The following RNF213 variants were observed in gnomAD, a reference collection of about 807,000 sequenced individuals.
The protein encoded by RNF213 is ring finger protein 213.
In RNF213, 341 loss-of-function variants were observed where a neutral mutation model predicts 514.4. That is an observed-to-expected ratio of 0.66 (90% CI 0.61 to 0.73). The LOEUF is 0.73. RNF213 is among the 30% of genes least tolerant of loss of function. The probability of loss-of-function intolerance (pLI) is 0.00; values close to 1 mark genes in which losing one functional copy is unlikely to be tolerated. For synonymous variants in RNF213, 2,655 were observed against 2,658.2 expected, an observed-to-expected ratio of 1.00 and a Z score of 0.04; for missense variants, 5,767 against 6,615.6, an observed-to-expected ratio of 0.87 and a Z score of 4.45.
rs898719348 is a variant in RNF213, at chr17:80,268,354, GAAAAAAAAAA to G, written c.97+4592_97+4601del. The stretch of plus-strand genomic sequence containing the variant: ...GGGTCGACAGTGAGACCCTGTCTCA[GAAAAAAAAAA>G]AAAAAAAAAAAAAAAGGCAGTACTG... On this transcript the variant is annotated intron_variant, in intron 2 of 67. Coordinates refer to ENST00000582970, the MANE Select transcript of RNF213 (RefSeq NM_001256071.3). Among the ~76,000 whole-genome samples, 228 of 73,188 alleles carry G rather than the reference GAAAAAAAAAA, an allele frequency of 3.1e-3. 1 individual carries two copies. Among genetic ancestry groups the G allele is most frequent in the Middle Eastern group, 6.9e-3 (1 of 144 alleles). 48.0% of individuals were successfully genotyped at this position (73,188 alleles called of 152,430 possible). A position where few individuals can be genotyped will look rare whatever the true frequency, so the allele number is the denominator to read the frequency against.
At chr17:80,361,695 A>G in intron 38 of RNF213, 39 bp from the exon 39 acceptor site, 1 of 1,609,058 alleles carries the variant, frequency 6.2e-7, no homozygotes. Context: ...GCCATGACTT[A>G]GACGCACTCC....
At chr17:80,268,062 C>G (rs968364092) in intron 2 of RNF213, among the ~76,000 whole-genome samples, 1 of 152,056 alleles carries the variant, frequency 6.6e-6, no homozygotes, top group African/African-American at 2.4e-5. Flanking sequence ...CTCAAGTGAT[C>G]CCCCTGCCTC....
At chr17:80,297,154 T>C (rs1023083557) in intron 10 of RNF213, among the ~76,000 whole-genome samples, 1 of 151,540 alleles carries the variant, frequency 6.6e-6, no homozygotes, top group African/African-American at 2.4e-5. Context: ...CCCTTACGTT[T>C]AAAAAGTTGT....
chr17:80,355,542 G>A (rs57961685), intron 36 of RNF213, among the ~76,000 whole-genome samples: 647 of 8,680 alleles, frequency 0.075, 20 homozygotes, highest in African/African-American at 0.21. Context: ...AAGCGGGGTG[G>A]ACGGGAATGG....
Position 80,377,233 on chromosome 17 carries a change from G to A in RNF213, c.13510+270G>A, listed in dbSNP as rs1160538675. ...TGTTCTCTGGAATATGCCATTTTGG[G>A]AGAAGGGAGGGACTGGGAACCACAT... On this transcript the variant is annotated intron_variant, in intron 53 of 67. Transcript: ENST00000582970. This position sits in a 1 kb window ranked among gnomAD's most constrained non-coding sequence, Gnocchi z 4.1. 5 of 491,828 alleles carry A rather than the reference G, an allele frequency of 1.0e-5. No homozygotes were observed. Among genetic ancestry groups the A allele is most frequent in the East Asian group, 3.9e-5 (1 of 25,798 alleles). 30.5% of individuals were successfully genotyped at this position (491,828 alleles called of 1,614,324 possible).
intron 67 of RNF213, among the ~76,000 whole-genome samples, chr17:80,392,602 TG>T (rs1431612099): frequency 3.9e-4 from 20 of 51,000 alleles, no homozygotes; most frequent in African/African-American, 1.4e-3. Flanking sequence ...TCAGGATTTC[TG>T]GGTTTTTTTT....
intron 36 of RNF213, chr17:80,355,296 A>T (rs1350724909): frequency 5.0e-6 from 2 of 398,074 alleles, no homozygotes; most frequent in Admixed American, 5.4e-5. Flanking sequence ...GATCTGCAGG[A>T]GGGAACGTGA....
rs572494898 is a variant in RNF213 at position 80,355,610 on chromosome 17, G to A, written c.10862+1034G>A. Among the ~76,000 whole-genome samples, 4 of 63,866 alleles carry A rather than the reference G, an allele frequency of 6.3e-5. No individual in the cohort carries two copies. The East Asian group carries it at 1.6e-3, about 26-fold the overall frequency. 41.9% of individuals were successfully genotyped at this position (63,866 alleles called of 152,430 possible). On this transcript the variant is annotated intron_variant, in intron 36 of 67. Transcript: ENST00000582970. ...AATGGGGGCTTACAGGGGAAGAAGC[G>A]GGGTGAGTGGGAATGGGGGCTTACA...
intron 49 of RNF213, among the ~76,000 whole-genome samples, chr17:80,373,833 C>G (rs1042542999): frequency 2.8e-4 from 43 of 151,726 alleles, no homozygotes; most frequent in African/African-American, 9.0e-4. Flanking sequence ...AACCTTGTCT[C>G]TACTTCAAAG....
At chr17:80,330,127 A>G (rs576642098) in intron 20 of RNF213, among the ~76,000 whole-genome samples, 1 of 152,196 alleles carries the variant, frequency 6.6e-6, no homozygotes, top group East Asian at 1.9e-4. Context: ...AATGTAGAGG[A>G]ATTCTTTTTC....
chr17:80,336,867 C>T, intron 23 of RNF213: 1 of 232,082 alleles, frequency 4.3e-6, no homozygotes, highest in South Asian at 5.0e-5. Flanking sequence ...CACCACTGTA[C>T]TCCAGCCTGA....
intron 20 of RNF213, among the ~76,000 whole-genome samples, chr17:80,329,925 T>C (rs1485279810): frequency 6.6e-6 from 1 of 152,238 alleles, no homozygotes; most frequent in African/African-American, 2.4e-5. Flanking sequence ...GGAAATTCTC[T>C]TGAATGATTT....
intron 36 of RNF213, among the ~76,000 whole-genome samples, chr17:80,357,924 G>A (rs1042400450): frequency 6.6e-6 from 1 of 152,212 alleles, no homozygotes; most frequent in African/African-American, 2.4e-5. Context: ...GGTATTCCAG[G>A]TTATGACGAT....
chr17:80,263,621 G>A lies in RNF213; in HGVS notation c.-61G>A, dbSNP rs2043502177. 1.5e-6 allele frequency: 2 copies of A among 1,352,818 alleles called. No homozygotes were observed. The highest frequency in any genetic ancestry group is 2.3e-5 in the South Asian group (2 of 85,786). 83.8% of individuals were successfully genotyped at this position (1,352,818 alleles called of 1,614,324 possible). The stretch of plus-strand genomic sequence containing the variant: ...CACGTGACAGGACATGTAGTATATA[G>A]CAGGCTGCCAGCGACTCCTGCTCTT... On this transcript the variant is annotated 5_prime_UTR_variant, in exon 2 of 68. The change abolishes the stop of an existing upstream ORF in the 5' untranslated region. Coordinates refer to ENST00000582970, the MANE Select transcript of RNF213 (RefSeq NM_001256071.3). This position sits in a 1 kb window ranked among gnomAD's most constrained non-coding sequence, Gnocchi z 4.9.
At chr17:80,339,081 T>TCATTAAAAAG in intron 25 of RNF213, 120 bp from the exon 26 acceptor site, 1 of 629,344 alleles carries the variant, frequency 1.6e-6, no homozygotes, top group Non-Finnish European at 2.4e-6. Flanking sequence ...TGAGCGCAGA[T>TCATTAAAAAG]CATGCAGTGG....
At position 80,279,553 on chromosome 17, in the gene RNF213, G is replaced by A. The variant is rs9911199; in HGVS notation, c.261+6149G>A. On this transcript the variant is annotated intron_variant, in intron 3 of 67. Transcript: ENST00000582970. ...GATCTCAGTTCACTGCAACCTCCGCGTGCAGGGTTCAAGCGATTCTCCTGC... is the reference window on the plus strand; with the variant it reads ...GATCTCAGTTCACTGCAACCTCCGCATGCAGGGTTCAAGCGATTCTCCTGC... Among the ~76,000 whole-genome samples the A allele has an allele frequency of 8.1e-3, 1,237 of 151,810 alleles. 16 individuals carry two copies. Among genetic ancestry groups the A allele is most frequent in the African/African-American group, 0.027 (1,107 of 41,380 alleles).
rs1184372891 is a variant in RNF213, at chr17:80,311,114, A to AATC, written c.2656-1898_2656-1897insATC. On this transcript the variant is annotated intron_variant, in intron 14 of 67. Coordinates refer to ENST00000582970, the MANE Select transcript of RNF213 (RefSeq NM_001256071.3). ...TTAGGATTTATTTTCTACAGAAATA[A>AATC]CTATCTTAAATGTTGGCTGGGATCT... Among the ~76,000 whole-genome samples, 30 of 152,324 alleles carry AATC rather than the reference A, an allele frequency of 2.0e-4. No individual in the cohort carries two copies. The East Asian group carries it at 2.5e-3, about 13-fold the overall frequency.
chr17:80,284,562 A>AT (rs1319246837), intron 3 of RNF213, among the ~76,000 whole-genome samples: 2 of 152,006 alleles, frequency 1.3e-5, no homozygotes. Context: ...AAAAAAAAAA[A>AT]AGCCTTTGAA....
Position 80,377,437 on chromosome 17 carries a change from C to CAAA in RNF213, c.13511-314_13511-312dup, listed in dbSNP as rs5822350. ...AAGTTGTTATAAAATATGCTCATGA[C>CAAA]AAAAAAAAAAAAATCAAGGAAAATA... On this transcript the variant is annotated intron_variant, in intron 53 of 67. Transcript: ENST00000582970. The surrounding 1 kb of genome is among the most constrained non-coding windows in gnomAD (Gnocchi z 4.1). Among the ~76,000 whole-genome samples, 26 of 143,300 alleles carry CAAA rather than the reference C, an allele frequency of 1.8e-4. No individual in the cohort carries two copies. The highest frequency in any genetic ancestry group is 3.9e-4 in the Non-Finnish European group (26 of 66,096). 94.0% of individuals were successfully genotyped at this position (143,300 alleles called of 152,430 possible).
Sources: gnomAD v4.1 joint callset for allele counts (sites outside exome capture counted in the v4.1 genomes callset) on GRCh38, gnomAD v4.1.1 for gene constraint, Gnocchi (gnomAD v3.1) non-coding constraint, MANE v1.5 for transcripts, NCBI Gene and HGNC (gene_info 2026-07-23, HGNC 2026-07-21) for gene names.